Variants in B4GALT3 observed in about 807,000 individuals in gnomAD.
The protein encoded by B4GALT3 is beta-1,4-galactosyltransferase 3, also known as N-acetyllactosamine synthase.
Under a neutral mutation model 40.7 loss-of-function variants are expected in B4GALT3, and 29 were observed. The ratio of observed to expected loss-of-function variants is 0.71; its 90% CI spans 0.53 to 0.97. The LOEUF is 0.97. Among genes scored for constraint, B4GALT3 ranks in the 50% least tolerant of loss-of-function variants. The probability of loss-of-function intolerance (pLI) is 0.00; values close to 1 mark genes in which losing one functional copy is unlikely to be tolerated. For synonymous variants in B4GALT3, 182 were observed against 203.9 expected, an observed-to-expected ratio of 0.89 and a Z score of 0.92; for missense variants, 390 against 522.3, an observed-to-expected ratio of 0.75 and a Z score of 2.47.
chr1:161,176,762 T>C, intron 1 of B4GALT3, 183 bp from the exon 2 acceptor site: 1 of 1,131,136 alleles, frequency 8.8e-7, no homozygotes, highest in Non-Finnish European at 1.3e-6. Context: ...GTCAGGTTCA[T>C]ACTTAACCAC....
chr1:161,173,697 G>A lies in B4GALT3; in HGVS notation c.711C>T (p.Val237=), dbSNP rs750226894. 1 of 1,614,152 alleles carries A rather than the reference G, an allele frequency of 6.2e-7. No individual in the cohort carries two copies. Among genetic ancestry groups the A allele is most frequent in the Non-Finnish European group, 8.5e-7 (1 of 1,180,022 alleles). Residue 237 remains valine, a synonymous_variant, in exon 6 of 8, where the codon GTC becomes GTT. Transcript: ENST00000319769. ...SLPYPQYFGG[V]SALTPDQYLK... Reference sequence around the variant, plus strand: ...GGTACTGGTCAGGAGTAAGTGCTGAGACTCCTCCGAAGTACTGGGGGTACG... The same window carrying A: ...GGTACTGGTCAGGAGTAAGTGCTGAAACTCCTCCGAAGTACTGGGGGTACG...
At chr1:161,172,171 G>A (rs1661685859) in intron 7 of B4GALT3, 56 bp downstream of exon 7, 2 of 1,612,172 alleles carry the variant, frequency 1.2e-6, no homozygotes, top group Non-Finnish European at 1.7e-6. Flanking sequence ...CTGGCTAGGG[G>A]TACAGAACCC....
Position 161,175,834 on chromosome 1 carries a change from T to A in B4GALT3, c.227A>T (p.Tyr76Phe). ...TAAGAGAGGAGATCGTTCTGGACAG[T>A]AGGGCAGACCTTGAGGAGCTGGAGG... ...GGPPAPQGLP[Y>F]CPERSPLLVG... Residue 76 changes from tyrosine (Y) to phenylalanine (F), a missense_variant, in exon 3 of 8, where the codon TAC becomes TTC. Physicochemically the swap from Tyr to Phe is conservative, Grantham distance 22. This residue lies in a region of B4GALT3 where 183 missense variants were observed against 223.2 expected (regional missense o/e 0.82). Coordinates refer to ENST00000319769, the MANE Select transcript of B4GALT3 (RefSeq NM_003779.4). The A allele has an allele frequency of 6.2e-7, 1 of 1,614,106 alleles. No individual in the cohort carries two copies. The highest frequency in any genetic ancestry group is 8.5e-7 in the Non-Finnish European group (1 of 1,180,010).
In B4GALT3 at chr1:161,175,067, G is replaced by A. The variant is rs760364861; in HGVS notation, c.415C>T (p.Arg139Cys). The A allele has an allele frequency of 5.6e-6, 9 of 1,613,978 alleles. No individual in the cohort carries two copies. The highest frequency in any genetic ancestry group is 1.1e-5 in the South Asian group (1 of 91,082). Residue 139 changes from arginine (R) to cysteine (C), a missense_variant, in exon 4 of 8, where the codon CGC (arginine) becomes TGC (cysteine). This residue lies in a region of B4GALT3 where 183 missense variants were observed against 223.2 expected (regional missense o/e 0.82). Transcript: ENST00000319769. Reference protein sequence around the residue: ...VPHRAREHHLRLLLYHLHPFL... With the variant: ...VPHRAREHHLCLLLYHLHPFL... ...GGGTGCAGGTGGTAGAGCAGCAGGC[G>A]CAGGTGGTGCTCCCGGGCACGATGA... is the stretch of plus-strand genomic sequence containing the variant.
rs373052685 is a variant in B4GALT3, at chr1:161,172,325, G to A, written c.810C>T (p.Arg270=). The change falls in exon 7 of 8, where the codon CGC becomes CGT. Residue 270 remains arginine, a synonymous_variant. Coordinates refer to ENST00000319769, the MANE Select transcript of B4GALT3 (RefSeq NM_003779.4). ...GEDDDIATRV[R]LAGMKISRPP... Reference sequence around the variant, plus strand: ...GCCGAGAGATCTTCATCCCAGCCAGGCGCACCCTATGGGAAAAGTGAGGGT... The same window carrying A: ...GCCGAGAGATCTTCATCCCAGCCAGACGCACCCTATGGGAAAAGTGAGGGT... The A allele has an allele frequency of 1.2e-6, 2 of 1,613,624 alleles. No individual in the cohort carries two copies. The highest frequency in any genetic ancestry group is 1.3e-5 in the African/African-American group (1 of 74,838).
At chr1:161,176,162 G>A in intron 2 of B4GALT3, 88 bp from the exon 3 acceptor site, 1 of 1,403,300 alleles carries the variant, frequency 7.1e-7, no homozygotes, top group Non-Finnish European at 9.7e-7. Flanking sequence ...GGTGATGCCA[G>A]GGGTAAAGAG....
At position 161,174,985 on chromosome 1, in the gene B4GALT3, G is replaced by A. The variant is rs750115218; in HGVS notation, c.489+8C>T. ...AGTCAGTCAAAATGAGGTGGAGATT[G>A]GGGGTACCTGGTGGATGACATAGAT... On this transcript the variant is annotated splice_region_variant and intron_variant, in intron 4 of 7. Coordinates refer to ENST00000319769, the MANE Select transcript of B4GALT3 (RefSeq NM_003779.4). The A allele has an allele frequency of 6.2e-7, 1 of 1,612,156 alleles. No individual in the cohort carries two copies. The highest frequency in any genetic ancestry group is 8.5e-7 in the Non-Finnish European group (1 of 1,178,826).
intron 3 of B4GALT3, among the ~76,000 whole-genome samples, chr1:161,175,475 G>A (rs1663151300): frequency 6.6e-6 from 1 of 152,074 alleles, no homozygotes; most frequent in Non-Finnish European, 1.5e-5. Flanking sequence ...CTGTCTTACA[G>A]GGTTGGAAGC....
chr1:161,176,842 CCCCCAGA>C, intron 1 of B4GALT3: 1 of 1,534,606 alleles, frequency 6.5e-7, no homozygotes, highest in Non-Finnish European at 8.7e-7. Flanking sequence ...ACATTGTTTT[CCCCCAGA>C]CCAAGAACCA....
intron 2 of B4GALT3, 115 bp downstream of exon 2, chr1:161,176,319 T>C: frequency 1.8e-6 from 1 of 568,678 alleles, no homozygotes; most frequent in East Asian, 2.9e-5. Flanking sequence ...ACTCCCACCA[T>C]CTACTGTCAG....
At chr1:161,177,959 T>A (rs535429576), upstream of B4GALT3, 175 of 152,264 alleles carry the variant, frequency 1.1e-3, no homozygotes, top group African/African-American at 4.0e-3. Context: ...TCCCGTTGTA[T>A]CCCGCAGGCC....
Position 161,176,532 on chromosome 1 carries a change from G to A in B4GALT3, c.-113C>T. On this transcript the variant is annotated 5_prime_UTR_variant, in exon 2 of 8. Coordinates refer to ENST00000319769, the MANE Select transcript of B4GALT3 (RefSeq NM_003779.4). Reference sequence around the variant, plus strand: ...ATCTAAAATTGGAAATGTCACAGAGGGCAGAGAAAGGCTCCATCCAGCACT... The same window carrying A: ...ATCTAAAATTGGAAATGTCACAGAGAGCAGAGAAAGGCTCCATCCAGCACT... 2.3e-6 allele frequency: 1 copy of A among 429,016 alleles called. No individual in the cohort carries two copies. The highest frequency in any genetic ancestry group is 2.9e-5 in the South Asian group (1 of 34,754). 26.6% of individuals were successfully genotyped at this position (429,016 alleles called of 1,614,324 possible).
At position 161,171,847 on chromosome 1, in the gene B4GALT3, G is replaced by C; in HGVS notation, c.1151C>G (p.Ala384Gly). The change falls in exon 8 of 8, where the codon GCC (alanine) becomes GGC (glycine). Residue 384 changes from alanine to glycine, a missense_variant. This residue lies in a region of B4GALT3 where 72 missense variants were observed against 71.3 expected (regional missense o/e 1.01). Coordinates refer to ENST00000319769, the MANE Select transcript of B4GALT3 (RefSeq NM_003779.4). ...TGAACCTCGGAGGGCTGTGTGGTTG[G>C]CAGTAGATAGAGGCCCAGGCCTGGC... is the stretch of plus-strand genomic sequence containing the variant. ...PPARPGPLST[A>G]NHTALRGSH is the part of the protein sequence containing the mutation. The C allele has an allele frequency of 6.2e-7, 1 of 1,614,018 alleles. No individual in the cohort carries two copies.
rs750006852 is a variant in B4GALT3, at chr1:161,175,163, G to A, written c.319C>T (p.Arg107Trp). 70 of 1,613,612 alleles carry A rather than the reference G, an allele frequency of 4.3e-5. No individual in the cohort carries two copies. The Admixed American group carries it at 5.7e-4, about 13-fold the overall frequency. ...SLAEIVERNP[R>W]VEPGGRYRPA... Reference sequence around the variant, plus strand: ...CGGTACCGGCCCCCTGGTTCTACCCGGGGATTCCGCTCCACAATCTCTGCC... The same window carrying A: ...CGGTACCGGCCCCCTGGTTCTACCCAGGGATTCCGCTCCACAATCTCTGCC... The change falls in exon 4 of 8, where the codon CGG becomes TGG. Residue 107 changes from arginine (R) to tryptophan (W), a missense_variant. By Grantham distance (101) the Arg-to-Trp change is moderately radical. Around this residue, in one of 3 missense-constraint regions of B4GALT3, gnomAD observed 183 missense variants for 223.2 expected, o/e 0.82. Transcript: ENST00000319769.
In B4GALT3 at chr1:161,176,065, G is replaced by C. The variant is rs771958132; in HGVS notation, c.-5C>G. The C allele has an allele frequency of 1.2e-6, 2 of 1,613,934 alleles. No homozygotes were observed. On this transcript the variant is annotated 5_prime_UTR_variant, in exon 3 of 8. Coordinates refer to ENST00000319769, the MANE Select transcript of B4GALT3 (RefSeq NM_003779.4). ...CTCCAGCAGCCTCCGCAACATCCTGGGGGTGAGATCTAGGGAGGGAGAGGG... is the reference window on the plus strand; with the variant it reads ...CTCCAGCAGCCTCCGCAACATCCTGCGGGTGAGATCTAGGGAGGGAGAGGG...
In B4GALT3 at chr1:161,175,890, G is replaced by A; in HGVS notation, c.171C>T (p.Asn57=). The part of the protein sequence containing the change: ...DYSHPRDVYS[N]LSHLPGAPGG... ...CTGGGGCCCCAGGCAGGTGACTGAG[G>A]TTACTGTAGACATCACGAGGGTGAG... Residue 57 remains asparagine, a synonymous_variant, in exon 3 of 8, where the codon AAC becomes AAT. Transcript: ENST00000319769. 3.1e-6 allele frequency: 5 copies of A among 1,614,176 alleles called. No individual in the cohort carries two copies. The highest frequency in any genetic ancestry group is 1.3e-5 in the African/African-American group (1 of 75,036).
intron 2 of B4GALT3, 151 bp downstream of exon 2, chr1:161,176,283 C>T (rs1449201387): frequency 4.8e-6 from 3 of 620,650 alleles, no homozygotes; most frequent in African/African-American, 3.7e-5. Flanking sequence ...GCCCAAGTTT[C>T]GCTCTCCTCT....
intron 2 of B4GALT3, 97 bp from the exon 3 acceptor site, chr1:161,176,171 AGG>A: frequency 7.4e-7 from 1 of 1,343,110 alleles, no homozygotes; most frequent in South Asian, 1.3e-5. Flanking sequence ...AGGGGTAAAG[AGG>A]AAAAAGCAGA....
rs2101976114 is a variant in B4GALT3 at position 161,176,093 on chromosome 1, A to T, written c.-14-19T>A. The T allele has an allele frequency of 6.2e-7, 1 of 1,610,732 alleles. No homozygotes were observed. Among genetic ancestry groups the T allele is most frequent in the Admixed American group, 1.7e-5 (1 of 59,930 alleles). The stretch of plus-strand genomic sequence containing the variant: ...GTGAGATCTAGGGAGGGAGAGGGGA[A>T]TTCTGGGGGTAGGCAGGAAGAGAGC... On this transcript the variant is annotated intron_variant, in intron 2 of 7. Transcript: ENST00000319769.
Sources: allele counts gnomAD v4.1 joint callset (sites outside exome capture counted in the v4.1 genomes callset), GRCh38; gene constraint gnomAD v4.1.1; regional missense constraint gnomAD v4.1.1; transcripts MANE v1.5; gene names NCBI Gene and HGNC (gene_info 2026-07-23, HGNC 2026-07-21).